RRBP1: variants seen among roughly 807,000 people sequenced by gnomAD.
RRBP1 encodes the protein ribosome-binding protein 1.
A neutral mutation model predicts 165.2 loss-of-function variants in RRBP1; 94 were observed. The ratio of observed to expected loss-of-function variants is 0.57; its 90% CI spans 0.48 to 0.68. RRBP1 has a LOEUF of 0.68. Among genes scored for constraint, RRBP1 ranks in the 30% least tolerant of loss-of-function variants. RRBP1 has a pLI of 0.00. For missense variants in RRBP1, 1,676 were observed against 1,763.0 expected (o/e 0.95, Z 0.88); for synonymous variants, 680 against 714.5 (o/e 0.95, Z 0.77).
chr20:17,634,814 G>A (rs1300205353), intron 7 of RRBP1, among the ~76,000 whole-genome samples: 1 of 152,196 alleles, frequency 6.6e-6, no homozygotes, highest in African/African-American at 2.4e-5. Flanking sequence ...CAGAGGGGAA[G>A]GCAGCTGCTG....
chr20:17,625,389 G>A, intron 12 of RRBP1, 123 bp downstream of exon 12: 2 of 805,216 alleles, frequency 2.5e-6, no homozygotes, highest in Non-Finnish European at 4.1e-6. Flanking sequence ...AGCACAATGG[G>A]GTGTAGAAAC....
At chr20:17,620,941 T>TG in intron 16 of RRBP1, 134 bp from the exon 17 acceptor site, 1 of 671,312 alleles carries the variant, frequency 1.5e-6, no homozygotes, top group Non-Finnish European at 2.5e-6. Flanking sequence ...CAGCGTTAGG[T>TG]GGGGAGGGAA....
chr20:17,635,633 C>T lies in RRBP1; in HGVS notation c.2369G>A (p.Gly790Asp), dbSNP rs772990444. 6.2e-7 allele frequency: 1 copy of T among 1,613,460 alleles called. No homozygotes were observed. Among genetic ancestry groups the T allele is most frequent in the South Asian group, 1.1e-5 (1 of 91,020 alleles). The change falls in exon 7 of 25, where the codon GGC (glycine) becomes GAC (aspartate). Residue 790 changes from glycine (G) to aspartate (D), a missense_variant. Physicochemically the swap from Gly to Asp is moderately conservative, Grantham distance 94 (BLOSUM62 -1). This residue lies in a region of RRBP1 where 1,184 missense variants were observed against 1,167.1 expected (regional missense o/e 1.01). Coordinates refer to ENST00000377813, the MANE Select transcript of RRBP1 (RefSeq NM_001365613.2). Reference sequence around the variant, plus strand: ...CAGGCGGGCCAGCTGCGTGTTGGGGCCATTCTCCAGCTGCTCCTGAAGAGT... The same window carrying T: ...CAGGCGGGCCAGCTGCGTGTTGGGGTCATTCTCCAGCTGCTCCTGAAGAGT... ...IRTLQEQLEN[G>D]PNTQLARLQQ...
In RRBP1 at chr20:17,614,866, T is replaced by A; in HGVS notation, c.4065A>T (p.Lys1355Asn). Residue 1355 changes from lysine to asparagine, a missense_variant, in exon 24 of 25, where the codon AAA (lysine) becomes AAT (asparagine). Physicochemically the swap from Lys to Asn is moderately conservative, Grantham distance 94 (BLOSUM62 0). Coordinates refer to ENST00000377813, the MANE Select transcript of RRBP1 (RefSeq NM_001365613.2). ...CCAGGTCACTTGTTAACTTCTTCTC[T>A]TTTTCTAGTCTCTCCTGATGGTCAG... ...EASQLKERLEKEKKLTSDLGR... is the reference protein window; with the variant it reads ...EASQLKERLENEKKLTSDLGR... 2 of 1,613,488 alleles carry A rather than the reference T, an allele frequency of 1.2e-6. No individual in the cohort carries two copies. The highest frequency in any genetic ancestry group is 1.7e-6 in the Non-Finnish European group (2 of 1,179,982).
rs533610676 is a variant in RRBP1, at chr20:17,644,307, G to A, written c.1913-1180C>T. On this transcript the variant is annotated intron_variant, in intron 3 of 24. Transcript: ENST00000377813. ...AGGCCTAAGAGGTCATGGGTGCCAC[G>A]AAAACAGGTCCTGGCAAAAGCATGC... is the stretch of plus-strand genomic sequence containing the variant. Among the ~76,000 whole-genome samples, 144 of 152,160 alleles carry A rather than the reference G, an allele frequency of 9.5e-4. 1 individual carries two copies. Among genetic ancestry groups the A allele is most frequent in the Non-Finnish European group, 1.3e-3 (89 of 68,020 alleles).
intron 8 of RRBP1, among the ~76,000 whole-genome samples, chr20:17,631,492 C>T (rs1407693371): frequency 6.6e-6 from 1 of 152,270 alleles, no homozygotes; most frequent in African/African-American, 2.4e-5. Context: ...GGGCCTCCAT[C>T]TTAAGACCTC....
intron 2 of RRBP1, among the ~76,000 whole-genome samples, chr20:17,662,133 G>C (rs1011094093): frequency 1.3e-5 from 2 of 152,018 alleles, no homozygotes; most frequent in African/African-American, 4.8e-5. Context: ...CGTGGCGGCG[G>C]GTGCCTGTAG....
rs780689789 is a variant in RRBP1 at position 17,621,963 on chromosome 20, G to A, written c.3148-16C>T. ...CCGATTCCTCCTGGGGGGTGGGTGG[G>A]GAAGAGCGGAAGGTGTTCAGCTGTG... On this transcript the variant is annotated splice_polypyrimidine_tract_variant and intron_variant, in intron 13 of 24. Transcript: ENST00000377813. The A allele has an allele frequency of 5.0e-6, 8 of 1,596,994 alleles. No individual in the cohort carries two copies. The highest frequency in any genetic ancestry group is 1.6e-4 in the Middle Eastern group (1 of 6,068).
At chr20:17,663,736 C>G (rs1480211299) in intron 2 of RRBP1, among the ~76,000 whole-genome samples, 1 of 152,208 alleles carries the variant, frequency 6.6e-6, no homozygotes, top group Admixed American at 6.5e-5. Flanking sequence ...AAATTCGGTT[C>G]TCACAATCAG....
chr20:17,614,147 A>G lies in RRBP1; in HGVS notation c.*35T>C. On this transcript the variant is annotated 3_prime_UTR_variant, in exon 25 of 25. Coordinates refer to ENST00000377813, the MANE Select transcript of RRBP1 (RefSeq NM_001365613.2). ...AAGGAATGTGTAAGGCATTTTGGTA[A>G]GTTGAACAGTAACTTCTTTTTCCAA... The G allele has an allele frequency of 1.2e-6, 2 of 1,609,758 alleles. No individual in the cohort carries two copies. Among genetic ancestry groups the G allele is most frequent in the African/African-American group, 1.3e-5 (1 of 75,008 alleles).
At chr20:17,676,789 C>G (rs754164809) in intron 2 of RRBP1, among the ~76,000 whole-genome samples, 2 of 152,118 alleles carry the variant, frequency 1.3e-5, no homozygotes, top group Admixed American at 1.3e-4. Flanking sequence ...CTCACTCTGT[C>G]GCCTAGGCTG....
rs571395376 is a variant in RRBP1, at chr20:17,635,846, G to A, written c.2338-182C>T. Among the ~76,000 whole-genome samples, 8 of 152,294 alleles carry A rather than the reference G, an allele frequency of 5.3e-5. No homozygotes were observed. The South Asian group carries it at 6.2e-4, about 12-fold the overall frequency. ...GGCCTGAAAATTGCGAAGCTTAAGC[G>A]GCCAAGCATGACTCCCACACCCAGC... is the stretch of plus-strand genomic sequence containing the variant. On this transcript the variant is annotated intron_variant, in intron 6 of 24. Coordinates refer to ENST00000377813, the MANE Select transcript of RRBP1 (RefSeq NM_001365613.2).
intron 15 of RRBP1, 33 bp downstream of exon 15, chr20:17,621,657 A>C: frequency 6.2e-7 from 1 of 1,609,506 alleles, no homozygotes; most frequent in South Asian, 1.1e-5. Flanking sequence ...AGGGGAGCCC[A>C]ACAGAGGAGC....
chr20:17,654,788 C>T (rs967117345), intron 3 of RRBP1, among the ~76,000 whole-genome samples: 6 of 152,164 alleles, frequency 3.9e-5, no homozygotes, highest in East Asian at 1.9e-4. Flanking sequence ...ACTTCACCCC[C>T]GAACTACTGA....
intron 13 of RRBP1, among the ~76,000 whole-genome samples, chr20:17,624,230 G>T (rs1372949891): frequency 6.6e-6 from 1 of 152,196 alleles, no homozygotes; most frequent in Non-Finnish European, 1.5e-5. Flanking sequence ...GTAGAGCCGG[G>T]GTCTGGCGTG....
chr20:17,676,130 G>A (rs1390916854), intron 2 of RRBP1, among the ~76,000 whole-genome samples: 2 of 152,230 alleles, frequency 1.3e-5, no homozygotes, highest in African/African-American at 2.4e-5. Flanking sequence ...GATTAACTGA[G>A]CCTGCAATGT....
At chr20:17,672,775 A>G (rs2037001037) in intron 2 of RRBP1, among the ~76,000 whole-genome samples, 1 of 152,256 alleles carries the variant, frequency 6.6e-6, no homozygotes, top group Non-Finnish European at 1.5e-5. Flanking sequence ...TAATGTGAAT[A>G]AACTCATATA....
Position 17,621,366 on chromosome 20 carries a change from A to G in RRBP1, c.3414+92T>C, listed in dbSNP as rs1212105625. On this transcript the variant is annotated intron_variant, in intron 16 of 24. Transcript: ENST00000377813. ...TCACAAGGCCAGTGGGCTTTTCCAA[A>G]ACACCAGGCCACCTCCTGCCCCATA... 41 of 954,688 alleles carry G rather than the reference A, an allele frequency of 4.3e-5. No individual in the cohort carries two copies. In the Admixed American group the frequency reaches 8.8e-4, roughly 21 times the overall value. 59.1% of individuals were successfully genotyped at this position (954,688 alleles called of 1,614,324 possible).
intron 13 of RRBP1, among the ~76,000 whole-genome samples, chr20:17,622,488 G>A (rs1675418940): frequency 6.6e-6 from 1 of 152,120 alleles, no homozygotes; most frequent in South Asian, 2.1e-4. Context: ...AACCCAGAGA[G>A]GCTCATCTCC....
Sources: gnomAD v4.1 joint callset for allele counts (sites outside exome capture counted in the v4.1 genomes callset) on GRCh38, gnomAD v4.1.1 for gene constraint, gnomAD v4.1.1 regional missense constraint, MANE v1.5 for transcripts, NCBI Gene and HGNC (gene_info 2026-07-23, HGNC 2026-07-21) for gene names.